The following SLC9A9 variants were observed in gnomAD, a reference collection of about 807,000 sequenced individuals.
The protein encoded by SLC9A9 is solute carrier family 9 member A9.
SLC9A9 carries 62 observed loss-of-function variants against 77.8 expected under a neutral mutation model. The observed-to-expected ratio is 0.80, with a 90% CI of 0.65 to 0.98. The LOEUF is 0.98. Ranked by LOEUF, SLC9A9 falls within the 50% of genes least tolerant of loss-of-function variation. The pLI, the probability that SLC9A9 is intolerant of heterozygous loss-of-function variation, is 0.00. For missense variants in SLC9A9, 775 were observed against 774.9 expected (o/e 1.00, Z 0.00); for synonymous variants, 320 against 283.5 (o/e 1.13, Z -1.29).
At chr3:143,552,480 C>G in intron 8 of SLC9A9, 30 bp from the exon 9 acceptor site, 1 of 1,596,154 alleles carries the variant, frequency 6.3e-7, no homozygotes, top group East Asian at 2.2e-5. Flanking sequence ...TCAGTCAAAA[C>G]CAATTTTTCT....
chr3:143,383,329 A>G (rs1338517011), intron 12 of SLC9A9, among the ~76,000 whole-genome samples: 1 of 152,208 alleles, frequency 6.6e-6, no homozygotes, highest in Admixed American at 6.5e-5. Flanking sequence ...GCAGTGGCTT[A>G]GCCATGCACA....
intron 2 of SLC9A9, among the ~76,000 whole-genome samples, chr3:143,802,387 C>T (rs1257748344): frequency 6.6e-6 from 1 of 152,062 alleles, no homozygotes; most frequent in Non-Finnish European, 1.5e-5. Flanking sequence ...TTGTTCAGGC[C>T]CCCTCCCTTC....
At chr3:143,581,295 AG>A (rs1319841616) in intron 6 of SLC9A9, among the ~76,000 whole-genome samples, 1 of 152,170 alleles carries the variant, frequency 6.6e-6, no homozygotes, top group Non-Finnish European at 1.5e-5. Flanking sequence ...GGTGGGGTAA[AG>A]ATGGGTGAGG....
chr3:143,702,449 G>A (rs1900646), intron 4 of SLC9A9, among the ~76,000 whole-genome samples: 81,000 of 151,788 alleles, frequency 0.53, 21,999 homozygotes, highest in Non-Finnish European at 0.57. Context: ...AGTTTTTATA[G>A]GCTCTCTTTG....
intron 13 of SLC9A9, among the ~76,000 whole-genome samples, chr3:143,375,828 A>G (rs1313199710): frequency 1.3e-5 from 2 of 152,142 alleles, no homozygotes; most frequent in Non-Finnish European, 2.9e-5. Flanking sequence ...TCCTGCCTAT[A>G]TCTCTGACTC....
rs533028725 is a variant in SLC9A9, at chr3:143,633,318, G to C, written c.755+18937C>G. On this transcript the variant is annotated intron_variant, in intron 6 of 15. Coordinates refer to ENST00000316549, the MANE Select transcript of SLC9A9 (RefSeq NM_173653.4). ...TGTATTTTCTGCCTTAAAGATTAAG[G>C]CTATGTAAAAGTATATAGAGTAAAA... is the stretch of plus-strand genomic sequence containing the variant. Among the ~76,000 whole-genome samples, 4 of 152,096 alleles carry C rather than the reference G, an allele frequency of 2.6e-5. No homozygotes were observed. In the South Asian group the frequency reaches 8.3e-4, roughly 32 times the overall value.
chr3:143,525,778 A>G (rs566747392), intron 9 of SLC9A9, among the ~76,000 whole-genome samples: 13 of 152,338 alleles, frequency 8.5e-5, no homozygotes, highest in African/African-American at 2.9e-4. Context: ...GCTGTGAGAG[A>G]AGAAAAGTAA....
chr3:143,758,436 T>A (rs1047443525), intron 4 of SLC9A9, among the ~76,000 whole-genome samples: 2 of 152,184 alleles, frequency 1.3e-5, no homozygotes, highest in Non-Finnish European at 2.9e-5. Flanking sequence ...GAGTTCTTGC[T>A]ACCTATAGGA....
intron 6 of SLC9A9, among the ~76,000 whole-genome samples, chr3:143,643,725 A>T (rs1173604789): frequency 6.6e-6 from 1 of 152,076 alleles, no homozygotes; most frequent in African/African-American, 2.4e-5. Context: ...CATGTTCTGA[A>T]CATTCTAGGA....
At chr3:143,325,342 T>A (rs1196856247) in intron 14 of SLC9A9, among the ~76,000 whole-genome samples, 1 of 152,248 alleles carries the variant, frequency 6.6e-6, no homozygotes, top group Non-Finnish European at 1.5e-5. Flanking sequence ...ATACTGGCCT[T>A]GTTAAGTATT....
chr3:143,844,899 C>G (rs2009799666), intron 1 of SLC9A9, among the ~76,000 whole-genome samples: 1 of 151,784 alleles, frequency 6.6e-6, no homozygotes, highest in Non-Finnish European at 1.5e-5. Context: ...CTTTTCTTCC[C>G]CATTAGTTAT....
chr3:143,319,525 T>C (rs2031340836), intron 14 of SLC9A9, among the ~76,000 whole-genome samples: 4 of 152,228 alleles, frequency 2.6e-5, no homozygotes. Context: ...CTGTTCTCCA[T>C]CTGAAGGGAT....
At chr3:143,656,818 G>T (rs1465683582) in intron 5 of SLC9A9, among the ~76,000 whole-genome samples, 1 of 152,180 alleles carries the variant, frequency 6.6e-6, no homozygotes, top group African/African-American at 2.4e-5. Flanking sequence ...AACATCTGAA[G>T]ATTTTGCAGC....
chr3:143,418,400 G>A (rs1320090166), intron 12 of SLC9A9, among the ~76,000 whole-genome samples: 3 of 151,956 alleles, frequency 2.0e-5, no homozygotes, highest in African/African-American at 7.3e-5. Context: ...CAAGTTCATC[G>A]CAGGTGATCC....
intron 14 of SLC9A9, among the ~76,000 whole-genome samples, chr3:143,322,281 G>A (rs1259349289): frequency 6.6e-6 from 1 of 152,132 alleles, no homozygotes; most frequent in Non-Finnish European, 1.5e-5. Context: ...AATGTGGGTG[G>A]ACCTCACCAG....
At chr3:143,643,611 C>T (rs78825117) in intron 6 of SLC9A9, among the ~76,000 whole-genome samples, 7,972 of 152,258 alleles carry the variant, frequency 0.052, 287 homozygotes, top group Middle Eastern at 0.088. Flanking sequence ...GGAGAATTTC[C>T]TTTTCTCTCC....
intron 13 of SLC9A9, among the ~76,000 whole-genome samples, chr3:143,373,629 A>AAT (rs2033108476): frequency 6.7e-6 from 1 of 149,630 alleles, no homozygotes; most frequent in African/African-American, 2.4e-5. Flanking sequence ...AAAAAAAAAA[A>AAT]TAGCCATTAA....
chr3:143,324,928 A>G (rs554678405), intron 14 of SLC9A9, among the ~76,000 whole-genome samples: 38 of 152,154 alleles, frequency 2.5e-4, no homozygotes, highest in Admixed American at 2.0e-4. Context: ...ACACTAATTC[A>G]GCTTAATCTT....
At chr3:143,597,665 G>A (rs2108684178) in intron 6 of SLC9A9, among the ~76,000 whole-genome samples, 1 of 152,330 alleles carries the variant, frequency 6.6e-6, no homozygotes, top group South Asian at 2.1e-4. Flanking sequence ...TCAGCATGGT[G>A]TGGACCTGGA....
Sources: gnomAD v4.1 joint callset for allele counts (sites outside exome capture counted in the v4.1 genomes callset) on GRCh38, gnomAD v4.1.1 for gene constraint, MANE v1.5 for transcripts, NCBI Gene and HGNC (gene_info 2026-07-23, HGNC 2026-07-21) for gene names.